Variants in DENND1B observed in about 807,000 individuals in gnomAD.
The protein encoded by DENND1B is DENN domain containing 1B.
DENND1B carries 59 observed loss-of-function variants against 90.1 expected under a neutral mutation model. The observed-to-expected ratio is 0.65, with a 90% CI of 0.53 to 0.81. The LOEUF (loss-of-function observed/expected upper bound fraction) is 0.81, where lower values mean the gene tolerates loss of function less well. DENND1B is among the 40% of genes least tolerant of loss of function. The probability of loss-of-function intolerance (pLI) is 0.00; values close to 1 mark genes in which losing one functional copy is unlikely to be tolerated. For synonymous variants in DENND1B, 337 were observed against 324.6 expected (o/e 1.04, Z -0.41); for missense variants, 862 against 912.6 (o/e 0.94, Z 0.71).
At chr1:197,748,664 C>A (rs931808099) in intron 2 of DENND1B, among the ~76,000 whole-genome samples, 3 of 152,156 alleles carry the variant, frequency 2.0e-5, no homozygotes, top group African/African-American at 4.8e-5. Flanking sequence ...GGCAGGCAGC[C>A]CCTTAGAAGC....
chr1:197,538,717 C>T (rs540793760), intron 20 of DENND1B, among the ~76,000 whole-genome samples: 2 of 136,434 alleles, frequency 1.5e-5, no homozygotes, highest in Admixed American at 1.6e-4. Flanking sequence ...GCTTCACTAT[C>T]CTTTCCCATT....
At chr1:197,674,280 T>A in intron 3 of DENND1B, 111 bp from the exon 4 acceptor site, 1 of 733,944 alleles carries the variant, frequency 1.4e-6, no homozygotes, top group Non-Finnish European at 2.3e-6. Context: ...TCTTTGTCCT[T>A]AAGAAAAATA....
chr1:197,593,601 A>T (rs553692575), intron 14 of DENND1B, among the ~76,000 whole-genome samples: 1 of 152,072 alleles, frequency 6.6e-6, no homozygotes, highest in East Asian at 1.9e-4. Context: ...AGAAAATTAA[A>T]CAATGAAATC....
At chr1:197,599,284 T>C (rs915452042) in intron 13 of DENND1B, among the ~76,000 whole-genome samples, 3 of 151,844 alleles carry the variant, frequency 2.0e-5, no homozygotes, top group Non-Finnish European at 2.9e-5. Context: ...TTCTTTTACT[T>C]AACTTTTAGA....
chr1:197,693,757 G>A (rs1326944668), intron 3 of DENND1B, among the ~76,000 whole-genome samples: 1 of 151,198 alleles, frequency 6.6e-6, no homozygotes, highest in African/African-American at 2.4e-5. Context: ...TCTTTTACAA[G>A]AGGTCTCTTT....
chr1:197,612,551 C>T (rs916536868), intron 11 of DENND1B, among the ~76,000 whole-genome samples: 13 of 150,710 alleles, frequency 8.6e-5, no homozygotes, highest in African/African-American at 3.1e-4. Context: ...AAACAACTTC[C>T]TCACCTACTG....
At chr1:197,631,645 GAAC>G (rs1197241490) in intron 10 of DENND1B, among the ~76,000 whole-genome samples, 8 of 151,652 alleles carry the variant, frequency 5.3e-5, no homozygotes, top group East Asian at 3.9e-4. Flanking sequence ...CACAATGGCA[GAAC>G]AACAACAAAG....
chr1:197,772,062 T>C (rs1294124555), intron 2 of DENND1B, among the ~76,000 whole-genome samples: 2 of 152,184 alleles, frequency 1.3e-5, no homozygotes, highest in East Asian at 3.8e-4. Context: ...ATCGTTTACC[T>C]CCCTGCAAAA....
Position 197,642,787 on chromosome 1 carries a change from A to C in DENND1B, c.596T>G (p.Val199Gly), listed in dbSNP as rs1680382462. The change falls in exon 10 of 23, where the codon GTG becomes GGG. Residue 199 changes from valine to glycine, a missense_variant. Coordinates refer to ENST00000620048, the MANE Select transcript of DENND1B (RefSeq NM_001195215.2). ...NLTEYFVAVD[V>G]NNMLQLYASM... The stretch of plus-strand genomic sequence containing the variant: ...GGCATACAGCTGCAGCATGTTGTTC[A>C]CATCCACGGCAACAAAATATTCTGT... 1 of 1,613,428 alleles carries C rather than the reference A, an allele frequency of 6.2e-7. No homozygotes were observed. The highest frequency in any genetic ancestry group is 1.3e-5 in the African/African-American group (1 of 74,878).
At chr1:197,542,569 T>C (rs565981576) in intron 18 of DENND1B, among the ~76,000 whole-genome samples, 6 of 152,258 alleles carry the variant, frequency 3.9e-5, no homozygotes, top group Middle Eastern at 3.4e-3. Flanking sequence ...ATAAATGAGA[T>C]AGAGGTAAAA....
intron 20 of DENND1B, among the ~76,000 whole-genome samples, chr1:197,521,400 G>C (rs555433416): frequency 2.1e-4 from 32 of 151,982 alleles, no homozygotes; most frequent in African/African-American, 7.0e-4. Flanking sequence ...GGGTTTGGGA[G>C]GGGAAGGAAT....
At chr1:197,617,817 C>T (rs1677795325) in intron 10 of DENND1B, 58 bp from the exon 11 acceptor site, 1 of 1,110,914 alleles carries the variant, frequency 9.0e-7, no homozygotes, top group Non-Finnish European at 1.4e-6. Context: ...AAACAAAAAG[C>T]AATGTTCAAT....
intron 2 of DENND1B, chr1:197,735,692 G>A (rs1239810229): frequency 2.0e-5 from 33 of 1,613,954 alleles, no homozygotes; most frequent in Non-Finnish European, 2.5e-5. Context: ...GACACGGGAG[G>A]CGCTACGCCA....
intron 21 of DENND1B, 68 bp downstream of exon 21, chr1:197,512,803 C>A (rs1341918830): frequency 2.1e-6 from 3 of 1,447,704 alleles, no homozygotes; most frequent in East Asian, 4.6e-5. Context: ...TTTGAAATAC[C>A]CTTTATCACC....
At position 197,762,278 on chromosome 1, in the gene DENND1B, T is replaced by G. The variant is rs535920055; in HGVS notation, c.82+10590A>C. On this transcript the variant is annotated intron_variant, in intron 2 of 22. Coordinates refer to ENST00000620048, the MANE Select transcript of DENND1B (RefSeq NM_001195215.2). ...AAGGCTTATTAGTCAGCATTTTTTTTTTTTTTGAGACGGAGTCTCGCTCTG... is the reference window on the plus strand; with the variant it reads ...AAGGCTTATTAGTCAGCATTTTTTTGTTTTTTGAGACGGAGTCTCGCTCTG... Among the ~76,000 whole-genome samples, 6 of 152,220 alleles carry G rather than the reference T, an allele frequency of 3.9e-5. No individual in the cohort carries two copies. In the East Asian group the frequency reaches 1.2e-3, roughly 29 times the overall value.
intron 2 of DENND1B, among the ~76,000 whole-genome samples, chr1:197,761,121 A>T (rs953371659): frequency 1.3e-5 from 2 of 152,220 alleles, no homozygotes; most frequent in African/African-American, 2.4e-5. Flanking sequence ...AAAATCACAC[A>T]TTTCATAGTA....
intron 2 of DENND1B, chr1:197,734,846 T>G: frequency 3.0e-6 from 3 of 984,866 alleles, no homozygotes; most frequent in Non-Finnish European, 3.6e-6. Context: ...ATACATTTAT[T>G]CATAAGGGGG....
At chr1:197,679,557 C>A (rs567636980) in intron 3 of DENND1B, among the ~76,000 whole-genome samples, 2 of 150,976 alleles carry the variant, frequency 1.3e-5, no homozygotes, top group East Asian at 3.9e-4. Context: ...CCATGGGGAT[C>A]CCAAACCAAT....
intron 3 of DENND1B, among the ~76,000 whole-genome samples, chr1:197,681,239 T>C (rs886344023): frequency 6.6e-6 from 1 of 152,152 alleles, no homozygotes; most frequent in African/African-American, 2.4e-5. Flanking sequence ...TGTACAAATA[T>C]ATATTTGAAT....
Sources: allele counts gnomAD v4.1 joint callset (sites outside exome capture counted in the v4.1 genomes callset), GRCh38; gene constraint gnomAD v4.1.1; transcripts MANE v1.5; gene names NCBI Gene and HGNC (gene_info 2026-07-23, HGNC 2026-07-21).